Variants in ILDR2 observed in about 807,000 individuals in gnomAD.
ILDR2 encodes the protein immunoglobulin-like domain-containing receptor 2.
Under a neutral mutation model 66.8 loss-of-function variants are expected in ILDR2, and 25 were observed. The observed-to-expected ratio is 0.37, with a 90% CI of 0.27 to 0.52. The LOEUF is 0.52. ILDR2 is among the 20% of genes least tolerant of loss of function. ILDR2 has a pLI of 0.88. For missense variants in ILDR2, 827 were observed against 876.8 expected (o/e 0.94, Z 0.72); for synonymous variants, 367 against 357.2 (o/e 1.03, Z -0.31).
chr1:166,919,242 A>T lies in ILDR2; in HGVS notation c.*113T>A. On this transcript the variant is annotated 3_prime_UTR_variant, in exon 10 of 10. Transcript: ENST00000271417. ...TCCCTTGCCAAAGCAGAGATCAGCAAATCTTCCAAGGTGATGGCCAGAGAA... is the reference window on the plus strand; with the variant it reads ...TCCCTTGCCAAAGCAGAGATCAGCATATCTTCCAAGGTGATGGCCAGAGAA... 9.9e-7 allele frequency: 1 copy of T among 1,014,300 alleles called. No individual in the cohort carries two copies. Among genetic ancestry groups the T allele is most frequent in the Non-Finnish European group, 1.5e-6 (1 of 662,994 alleles). 62.8% of individuals were successfully genotyped at this position (1,014,300 alleles called of 1,614,324 possible). A position where few individuals can be genotyped will look rare whatever the true frequency, so the allele number is the denominator to read the frequency against.
In ILDR2 at chr1:166,936,770, G is replaced by A. The variant is rs1365094059; in HGVS notation, c.557-33C>T. 6.2e-7 allele frequency: 1 copy of A among 1,611,928 alleles called. No individual in the cohort carries two copies. The highest frequency in any genetic ancestry group is 8.5e-7 in the Non-Finnish European group (1 of 1,178,538). On this transcript the variant is annotated intron_variant, in intron 4 of 9. Transcript: ENST00000271417. The surrounding 1 kb of genome is among the most constrained non-coding windows in gnomAD (Gnocchi z 5.0). Reference sequence around the variant, plus strand: ...GATGCACAAAGAAATCCACACTCGAGGCAGCCCACCTCCAGGGCAGGGTGC... The same window carrying A: ...GATGCACAAAGAAATCCACACTCGAAGCAGCCCACCTCCAGGGCAGGGTGC...
chr1:166,940,765 C>G (rs1363692466), intron 3 of ILDR2, among the ~76,000 whole-genome samples: 1 of 152,182 alleles, frequency 6.6e-6, no homozygotes, highest in Non-Finnish European at 1.5e-5. Flanking sequence ...GACAGCACAG[C>G]TCTGGTGATC....
chr1:166,926,895 C>CT lies in ILDR2; in HGVS notation c.994+171dup, dbSNP rs201870596. Among the ~76,000 whole-genome samples, 1,223 of 152,088 alleles carry CT rather than the reference C, an allele frequency of 8.0e-3. 9 individuals carry two copies. Among genetic ancestry groups the CT allele is most frequent in the Admixed American group, 0.012 (190 of 15,258 alleles). On this transcript the variant is annotated intron_variant, in intron 7 of 9. Transcript: ENST00000271417. ...TGCTCTACTCTTCACACCAGAAGAC[C>CT]TTTTTTTCCCCTCTGTGTACTGAGA...
chr1:166,960,855 T>A (rs1177283435), intron 1 of ILDR2, among the ~76,000 whole-genome samples: 1 of 152,212 alleles, frequency 6.6e-6, no homozygotes, highest in East Asian at 1.9e-4. Context: ...CTTTATAGTT[T>A]CTCCTTAAAT....
chr1:166,917,517 G>A lies in ILDR2; in HGVS notation c.*1838C>T, dbSNP rs1232198737. The A allele has an allele frequency of 6.6e-6, 1 of 152,186 alleles. No homozygotes were observed. Among genetic ancestry groups the A allele is most frequent in the Non-Finnish European group, 1.5e-5 (1 of 68,038 alleles). 9.4% of individuals were successfully genotyped at this position (152,186 alleles called of 1,614,324 possible). ...AGGGAAGAAACCACTGCTGGATTAAGGGATAGCAAAGTCAAGCATTATCCT... is the reference window on the plus strand; with the variant it reads ...AGGGAAGAAACCACTGCTGGATTAAAGGATAGCAAAGTCAAGCATTATCCT... On this transcript the variant is annotated 3_prime_UTR_variant, in exon 10 of 10. Transcript: ENST00000271417.
At chr1:166,953,414 T>C (rs1662103071) in intron 3 of ILDR2, among the ~76,000 whole-genome samples, 7 of 152,224 alleles carry the variant, frequency 4.6e-5, no homozygotes. Flanking sequence ...AACCAAATTC[T>C]TCTTAACTTT....
chr1:166,949,995 T>C (rs1434144162), intron 3 of ILDR2, among the ~76,000 whole-genome samples: 1 of 152,222 alleles, frequency 6.6e-6, no homozygotes. Flanking sequence ...CTGCTGATGA[T>C]AGAAAGGATG....
chr1:166,935,911 G>A (rs1329192230), intron 5 of ILDR2, among the ~76,000 whole-genome samples: 2 of 152,194 alleles, frequency 1.3e-5, no homozygotes, highest in African/African-American at 4.8e-5. Flanking sequence ...GCTTGCACAT[G>A]GTCCTTGCTC....
At chr1:166,937,921 G>C (rs539134761) in intron 4 of ILDR2, among the ~76,000 whole-genome samples, 3 of 152,324 alleles carry the variant, frequency 2.0e-5, no homozygotes, top group Non-Finnish European at 4.4e-5. Context: ...CTGGGAGCTT[G>C]AGAATATGAT....
At chr1:166,962,183 TC>T (rs1310926267) in intron 1 of ILDR2, among the ~76,000 whole-genome samples, 1 of 152,202 alleles carries the variant, frequency 6.6e-6, no homozygotes, top group Non-Finnish European at 1.5e-5. Flanking sequence ...ACCAAGTTTA[TC>T]GGGACCCCCA....
chr1:166,959,659 A>C (rs538077020), intron 1 of ILDR2, among the ~76,000 whole-genome samples: 5 of 152,150 alleles, frequency 3.3e-5, no homozygotes, highest in Non-Finnish European at 7.4e-5. Flanking sequence ...AAGAATGAGA[A>C]ATTTCAGTGA....
At chr1:166,897,705 C>G (rs989796246) in intron 2 of ILDR2, among the ~76,000 whole-genome samples, 3 of 152,226 alleles carry the variant, frequency 2.0e-5, no homozygotes, top group Non-Finnish European at 4.4e-5. Flanking sequence ...TAATATACAT[C>G]AATGTCCTGG....
downstream of ILDR2, chr1:166,907,990 G>A (rs1374095799): frequency 2.6e-5 from 4 of 152,236 alleles, no homozygotes; most frequent in Admixed American, 1.3e-4. Flanking sequence ...AGAACAGGAA[G>A]TGAAAGGTGT....
At chr1:166,967,832 G>A (rs1470536582) in intron 1 of ILDR2, among the ~76,000 whole-genome samples, 1 of 152,116 alleles carries the variant, frequency 6.6e-6, no homozygotes, top group South Asian at 2.1e-4. Flanking sequence ...GCAGTCCCCA[G>A]CCAGAAACTT....
chr1:166,968,552 T>C (rs1008276089), intron 1 of ILDR2, among the ~76,000 whole-genome samples: 1 of 152,266 alleles, frequency 6.6e-6, no homozygotes, highest in East Asian at 1.9e-4. Flanking sequence ...TGACAGATTA[T>C]AGTATTTATT....
intron 6 of ILDR2, among the ~76,000 whole-genome samples, chr1:166,931,278 C>T (rs1259059416): frequency 2.0e-5 from 3 of 152,116 alleles, no homozygotes; most frequent in East Asian, 3.9e-4. Context: ...AAGAAGTCTC[C>T]GAGGCAGATA....
chr1:166,948,756 A>T (rs1427236069), intron 3 of ILDR2, among the ~76,000 whole-genome samples: 1 of 152,232 alleles, frequency 6.6e-6, no homozygotes, highest in East Asian at 1.9e-4. Context: ...AAGGAAAATC[A>T]GCTCTTTAGC....
chr1:166,963,366 T>C (rs143056089), intron 1 of ILDR2, among the ~76,000 whole-genome samples: 10 of 152,354 alleles, frequency 6.6e-5, no homozygotes, highest in Non-Finnish European at 1.5e-4. Context: ...ACCTGTTTTA[T>C]AGACGAAGAG....
chr1:166,959,581 T>G (rs1422517844), intron 1 of ILDR2, among the ~76,000 whole-genome samples: 6 of 151,926 alleles, frequency 3.9e-5, no homozygotes, highest in African/African-American at 1.2e-4. Flanking sequence ...GGAAAAAAAG[T>G]GGGGGCTAAA....
Sources: allele counts gnomAD v4.1 joint callset (sites outside exome capture counted in the v4.1 genomes callset), GRCh38; gene constraint gnomAD v4.1.1; non-coding constraint Gnocchi (gnomAD v3.1); transcripts MANE v1.5; gene names NCBI Gene and HGNC (gene_info 2026-07-23, HGNC 2026-07-21).